The following ENTPD1 variants were observed in gnomAD, a reference collection of about 807,000 sequenced individuals.
ENTPD1 encodes the protein ectonucleoside triphosphate diphosphohydrolase 1.
Under a neutral mutation model 57.0 loss-of-function variants are expected in ENTPD1, and 33 were observed. The ratio of observed to expected loss-of-function variants is 0.58; its 90% CI spans 0.44 to 0.77. The LOEUF (loss-of-function observed/expected upper bound fraction) is 0.77, where lower values mean the gene tolerates loss of function less well. Ranked by LOEUF, ENTPD1 falls within the 30% of genes least tolerant of loss-of-function variation. The pLI, the probability that ENTPD1 is intolerant of heterozygous loss-of-function variation, is 0.00. For synonymous variants in ENTPD1, 202 were observed against 218.8 expected (o/e 0.92, Z 0.68); for missense variants, 501 against 603.4 (o/e 0.83, Z 1.78).
intron 1 of ENTPD1, among the ~76,000 whole-genome samples, chr10:95,714,417 A>G (rs1458380089): frequency 6.6e-6 from 1 of 152,206 alleles, no homozygotes; most frequent in Non-Finnish European, 1.5e-5. Flanking sequence ...TTAGTAATAC[A>G]TTACTTCTTT....
At chr10:95,720,289 T>C (rs1471122286) in intron 1 of ENTPD1, among the ~76,000 whole-genome samples, 1 of 152,120 alleles carries the variant, frequency 6.6e-6, no homozygotes, top group Non-Finnish European at 1.5e-5. Context: ...AATTCCTTCC[T>C]CAAGCAGAGG....
At chr10:95,760,078 C>T (rs2098050081) in intron 1 of ENTPD1, among the ~76,000 whole-genome samples, 1 of 152,092 alleles carries the variant, frequency 6.6e-6, no homozygotes, top group Admixed American at 6.5e-5. Context: ...TAGCTTGGGC[C>T]CAGGAGTTTG....
intron 1 of ENTPD1, among the ~76,000 whole-genome samples, chr10:95,821,809 T>A (rs1277323988): frequency 6.6e-6 from 1 of 152,132 alleles, no homozygotes; most frequent in East Asian, 1.9e-4. Flanking sequence ...AAGTTCAAGC[T>A]TCTGCTCAAG....
Position 95,873,415 on chromosome 10 carries a change from C to A in ENTPD1, c.*7032C>A, listed in dbSNP as rs1055782002. On this transcript the variant is annotated 3_prime_UTR_variant, in exon 10 of 10. Transcript: ENST00000371205. ...TGCCCTCTGCCTTTGGAGACCAGCA[C>A]CTCATACTCAGTGAAGGCCTGGAGT... 1 of 985,536 alleles carries A rather than the reference C, an allele frequency of 1.0e-6. No individual in the cohort carries two copies. The highest frequency in any genetic ancestry group is 1.2e-6 in the Non-Finnish European group (1 of 830,010). The allele number at this position is 985,536 out of a possible 1,614,324, so 61.0% of individuals were successfully genotyped here.
At chr10:95,774,612 A>C (rs375328720) in intron 1 of ENTPD1, among the ~76,000 whole-genome samples, 1 of 151,976 alleles carries the variant, frequency 6.6e-6, no homozygotes, top group Non-Finnish European at 1.5e-5. Flanking sequence ...TCTTGTTTTT[A>C]TCAGGTTTGT....
At chr10:95,696,787 G>C in the ENTPD1 span, among the ~76,000 whole-genome samples, 4 of 152,188 alleles carry the variant, frequency 2.6e-5, no homozygotes, top group African/African-American at 9.7e-5. Flanking sequence ...TTCCAAATTA[G>C]ATCATATGAT....
At position 95,868,377 on chromosome 10, in the gene ENTPD1, AT is replaced by A; in HGVS notation, c.*1995del. 1 of 985,462 alleles carries A rather than the reference AT, an allele frequency of 1.0e-6. No homozygotes were observed. The highest frequency in any genetic ancestry group is 1.2e-6 in the Non-Finnish European group (1 of 829,934). 61.0% of individuals were successfully genotyped at this position (985,462 alleles called of 1,614,324 possible). ...GTTCCTGATAGGCTTGTAATTTAATATCATTCTGTTCATGTGCTTTGGATGG... is the reference window on the plus strand; with the variant it reads ...GTTCCTGATAGGCTTGTAATTTAATACATTCTGTTCATGTGCTTTGGATGG... On this transcript the variant is annotated 3_prime_UTR_variant, in exon 10 of 10. Coordinates refer to ENST00000371205, the MANE Select transcript of ENTPD1 (RefSeq NM_001776.6).
intron 1 of ENTPD1, among the ~76,000 whole-genome samples, chr10:95,723,900 GC>G (rs2097980587): frequency 6.6e-6 from 1 of 151,872 alleles, no homozygotes; most frequent in Admixed American, 6.6e-5. Context: ...GGTGGCTCAC[GC>G]CTGTAATCCC....
Position 95,756,194 on chromosome 10 carries a change from G to GT in ENTPD1, c.-46_-45insT, listed in dbSNP as rs1329943908. 3.2e-6 allele frequency: 5 copies of GT among 1,580,156 alleles called. No individual in the cohort carries two copies. In the Admixed American group the frequency reaches 5.4e-5, roughly 17 times the overall value. On this transcript the variant is annotated 5_prime_UTR_variant, in exon 1 of 10. Coordinates refer to ENST00000371205, the MANE Select transcript of ENTPD1 (RefSeq NM_001776.6). ...ACGGACCACAGCAAGCAGAGGCTGG[G>GT]GGGGGGAAAGACGAGGAAAGAGGAG...
intron 1 of ENTPD1, among the ~76,000 whole-genome samples, chr10:95,728,134 T>TG (rs1405153862): frequency 6.6e-6 from 1 of 152,164 alleles, no homozygotes; most frequent in African/African-American, 2.4e-5. Context: ...TTGAACAATG[T>TG]GGGGGCTATA....
chr10:95,735,914 T>C (rs933919408), intron 1 of ENTPD1, among the ~76,000 whole-genome samples: 2 of 152,052 alleles, frequency 1.3e-5, no homozygotes, highest in Non-Finnish European at 2.9e-5. Flanking sequence ...GTTTTTAATA[T>C]GGAAGATTGC....
chr10:95,744,062 A>G (rs1369023075), intron 1 of ENTPD1, among the ~76,000 whole-genome samples: 2 of 145,938 alleles, frequency 1.4e-5, no homozygotes, highest in African/African-American at 5.0e-5. Flanking sequence ...TTCTACATTT[A>G]TTCATATGTA....
chr10:95,861,007 C>T (rs1450995684), intron 8 of ENTPD1, among the ~76,000 whole-genome samples: 1 of 152,222 alleles, frequency 6.6e-6, no homozygotes, highest in African/African-American at 2.4e-5. Flanking sequence ...AAAGCAAAAG[C>T]TATCCCAGAC....
intron 8 of ENTPD1, among the ~76,000 whole-genome samples, chr10:95,863,317 A>C (rs1402381324): frequency 6.6e-6 from 1 of 152,174 alleles, no homozygotes; most frequent in Non-Finnish European, 1.5e-5. Flanking sequence ...AGTTGGACCT[A>C]AGTAGATTCT....
chr10:95,806,804 G>A (rs1366349173), intron 1 of ENTPD1, among the ~76,000 whole-genome samples: 1 of 151,876 alleles, frequency 6.6e-6, no homozygotes, highest in Non-Finnish European at 1.5e-5. Context: ...TGTTTGTCTG[G>A]GTATCACCAG....
At chr10:95,806,565 G>T (rs1252581084) in intron 1 of ENTPD1, among the ~76,000 whole-genome samples, 1 of 152,218 alleles carries the variant, frequency 6.6e-6, no homozygotes, top group Non-Finnish European at 1.5e-5. Flanking sequence ...AGGAGAAGAG[G>T]TGCTCTGGTT....
chr10:95,836,156 G>T (rs1008700338), intron 2 of ENTPD1, among the ~76,000 whole-genome samples: 8 of 152,114 alleles, frequency 5.3e-5, no homozygotes, highest in African/African-American at 1.9e-4. Flanking sequence ...TTTATTTCAG[G>T]GTCTCTATTC....
At position 95,876,680 on chromosome 10, in the gene ENTPD1, A is replaced by C. The variant is rs2098486120; in HGVS notation, c.*10297A>C. ...GCCATTCTAATAACAGAAACAAACA[A>C]GTTATTTTAAAACTTATTGGAATAT... On this transcript the variant is annotated 3_prime_UTR_variant, in exon 10 of 10. Coordinates refer to ENST00000371205, the MANE Select transcript of ENTPD1 (RefSeq NM_001776.6). 8.2e-7 allele frequency: 1 copy of C among 1,214,184 alleles called. No individual in the cohort carries two copies. Among genetic ancestry groups the C allele is most frequent in the East Asian group, 3.2e-5 (1 of 31,078 alleles). 75.2% of individuals were successfully genotyped at this position (1,214,184 alleles called of 1,614,324 possible).
chr10:95,842,559 A>G, intron 4 of ENTPD1, 65 bp downstream of exon 4: 1 of 1,571,378 alleles, frequency 6.4e-7, no homozygotes, highest in Non-Finnish European at 8.7e-7. Flanking sequence ...GAGCCTCTGA[A>G]GTTATGGGAA....
Sources: gnomAD v4.1 joint callset for allele counts (sites outside exome capture counted in the v4.1 genomes callset) on GRCh38, gnomAD v4.1.1 for gene constraint, MANE v1.5 for transcripts, NCBI Gene and HGNC (gene_info 2026-07-23, HGNC 2026-07-21) for gene names.